MTMR9: variants seen among roughly 807,000 people sequenced by gnomAD.
MTMR9 encodes the protein myotubularin-related protein 9.
MTMR9 carries 39 observed loss-of-function variants against 69.5 expected under a neutral mutation model. The observed-to-expected ratio is 0.56, with a 90% CI of 0.43 to 0.73. The LOEUF (loss-of-function observed/expected upper bound fraction) is 0.73, where lower values mean the gene tolerates loss of function less well. Ranked by LOEUF, MTMR9 falls within the 30% of genes least tolerant of loss-of-function variation. The pLI, the probability that MTMR9 is intolerant of heterozygous loss-of-function variation, is 0.00. For synonymous variants in MTMR9, 354 were observed against 240.8 expected (o/e 1.47, Z -4.35); for missense variants, 900 against 671.2 (o/e 1.34, Z -3.77).
intron 7 of MTMR9, 99 bp downstream of exon 7, chr8:11,315,163 A>C: frequency 2.8e-6 from 4 of 1,441,272 alleles, no homozygotes; most frequent in Non-Finnish European, 3.8e-6. Context: ...CGATTGATTA[A>C]AATTTCTAAG....
At chr8:11,291,512 T>G (rs1230396736) in intron 1 of MTMR9, among the ~76,000 whole-genome samples, 1 of 152,152 alleles carries the variant, frequency 6.6e-6, no homozygotes, top group Non-Finnish European at 1.5e-5. Flanking sequence ...ATAGGAGTTT[T>G]GTGGAGCTCT....
chr8:11,311,726 C>T (rs887084242), intron 6 of MTMR9, among the ~76,000 whole-genome samples: 4 of 152,076 alleles, frequency 2.6e-5, no homozygotes, highest in East Asian at 1.9e-4. Context: ...TGAAGATTGC[C>T]GCATCAATTG....
intron 8 of MTMR9, 73 bp downstream of exon 8, chr8:11,316,966 C>T (rs1800447278): frequency 1.1e-6 from 1 of 944,066 alleles, no homozygotes. Context: ...CCAGAATCTC[C>T]TAGGAGACGA....
At chr8:11,297,866 A>G in intron 2 of MTMR9, 1 of 456,324 alleles carries the variant, frequency 2.2e-6, no homozygotes, top group Non-Finnish European at 4.4e-6. Flanking sequence ...TGATTAACAT[A>G]GTGAACCTGT....
chr8:11,329,261 G>A (rs1464889719), downstream of MTMR9, among the ~76,000 whole-genome samples: 3 of 152,276 alleles, frequency 2.0e-5, no homozygotes, highest in South Asian at 6.2e-4. Flanking sequence ...AGGCATGATG[G>A]TGCTCATCTG....
At position 11,315,153 on chromosome 8, in the gene MTMR9, C is replaced by T. The variant is rs569550831; in HGVS notation, c.1113+89C>T. 111 of 1,479,306 alleles carry T rather than the reference C, an allele frequency of 7.5e-5. No individual in the cohort carries two copies. The South Asian group carries it at 8.5e-4, about 11-fold the overall frequency. The allele number at this position is 1,479,306 out of a possible 1,614,324, so 91.6% of individuals were successfully genotyped here. A position where few individuals can be genotyped will look rare whatever the true frequency, so the allele number is the denominator to read the frequency against. On this transcript the variant is annotated intron_variant, in intron 7 of 9. Transcript: ENST00000221086. ...GTAGCTGACATAATGTGTGAAATTT[C>T]GATTGATTAAAATTTCTAAGTTGTG...
chr8:11,330,222 A>C (rs1346767102), downstream of MTMR9, among the ~76,000 whole-genome samples: 10 of 148,774 alleles, frequency 6.7e-5, no homozygotes, highest in Non-Finnish European at 1.3e-4. Flanking sequence ...CGGCCTGGCC[A>C]GCCGCCCCGT....
Position 11,306,303 on chromosome 8 carries a change from C to G in MTMR9, c.705C>G (p.Asp235Glu), listed in dbSNP as rs947836234. The change falls in exon 5 of 10, where the codon GAC (aspartate) becomes GAG (glutamate). Residue 235 changes from aspartate (D) to glutamate (E), a missense_variant. Coordinates refer to ENST00000221086, the MANE Select transcript of MTMR9 (RefSeq NM_015458.4). ...LRAGKRGYII[D>E]TRSLNVAQQT... is the part of the protein sequence containing the mutation. ...CTGGAAAGCGTGGCTACATCATTGA[C>G]ACCCGATCCCTGAACGTGGCTCAGC... The G allele has an allele frequency of 3.1e-6, 5 of 1,613,976 alleles. No homozygotes were observed. The highest frequency in any genetic ancestry group is 1.3e-5 in the African/African-American group (1 of 74,924).
At chr8:11,290,000 G>T (rs1470837377) in intron 1 of MTMR9, among the ~76,000 whole-genome samples, 1 of 152,110 alleles carries the variant, frequency 6.6e-6, no homozygotes, top group Non-Finnish European at 1.5e-5. Flanking sequence ...ATGGGATGGC[G>T]CCATAAAGTA....
At chr8:11,286,962 A>T (rs1563262085) in intron 1 of MTMR9, among the ~76,000 whole-genome samples, 1 of 152,132 alleles carries the variant, frequency 6.6e-6, no homozygotes, top group Non-Finnish European at 1.5e-5. Context: ...CATTTGCCAA[A>T]TGCCTTTATG....
chr8:11,331,555 A>G, downstream of MTMR9: 1 of 1,613,420 alleles, frequency 6.2e-7, no homozygotes, highest in Non-Finnish European at 8.5e-7. Flanking sequence ...CTCTGCCTTG[A>G]GAGCCAGGGT....
At position 11,306,207 on chromosome 8, in the gene MTMR9, T is replaced by C; in HGVS notation, c.609T>C (p.Gly203=). 6.2e-7 allele frequency: 1 copy of C among 1,613,054 alleles called. No individual in the cohort carries two copies. Among genetic ancestry groups the C allele is most frequent in the South Asian group, 1.1e-5 (1 of 91,028 alleles). The change falls in exon 5 of 10, where the codon GGT becomes GGC. Residue 203 remains glycine, a synonymous_variant. Transcript: ENST00000221086. ...GCTTCTAGGTAATTATGCGAAGTGG[T>C]CAGCCACTCACTGGTACAAACGGGA... ...KKNGMVIMRS[G]QPLTGTNGRR... is the part of the protein sequence containing the mutation.
At chr8:11,313,255 T>G (rs1800277593) in intron 6 of MTMR9, among the ~76,000 whole-genome samples, 1 of 152,236 alleles carries the variant, frequency 6.6e-6, no homozygotes, top group African/African-American at 2.4e-5. Flanking sequence ...CATAGAACTT[T>G]GTAGAATGGA....
rs1381753826 is a variant in MTMR9, at chr8:11,323,381, T to C, written c.*593T>C. The C allele has an allele frequency of 6.6e-6, 1 of 152,234 alleles. No individual in the cohort carries two copies. The highest frequency in any genetic ancestry group is 1.9e-4 in the East Asian group (1 of 5,202). The allele number at this position is 152,234 out of a possible 1,614,324, so 9.4% of individuals were successfully genotyped here. On this transcript the variant is annotated 3_prime_UTR_variant, in exon 10 of 10. Transcript: ENST00000221086. ...TTTGTCAAGAAAGGAAAATCTGTTA[T>C]TCAAGGTAAATTATTTCTACAAGGG...
chr8:11,310,987 T>G (rs1241794551), intron 6 of MTMR9, among the ~76,000 whole-genome samples: 1 of 152,202 alleles, frequency 6.6e-6, no homozygotes, highest in Non-Finnish European at 1.5e-5. Context: ...TTTGCCATGT[T>G]TGAGTCCCTT....
the MTMR9 span, among the ~76,000 whole-genome samples, chr8:11,337,219 C>G: frequency 6.6e-6 from 1 of 152,136 alleles, no homozygotes; most frequent in African/African-American, 2.4e-5. Flanking sequence ...CACTCAGAAC[C>G]AGCAGACTGT....
At chr8:11,308,741 G>A (rs938922312) in intron 5 of MTMR9, among the ~76,000 whole-genome samples, 2 of 152,012 alleles carry the variant, frequency 1.3e-5, no homozygotes, top group African/African-American at 4.8e-5. Context: ...TTTTCTCTCT[G>A]TTTTTAGTGA....
intron 3 of MTMR9, among the ~76,000 whole-genome samples, chr8:11,302,546 A>C (rs1427317869): frequency 2.0e-5 from 3 of 152,168 alleles, no homozygotes; most frequent in African/African-American, 7.2e-5. Context: ...ATATCTATTT[A>C]TGATAAAAGC....
At chr8:11,315,159 A>G in intron 7 of MTMR9, 95 bp downstream of exon 7, 1 of 1,462,892 alleles carries the variant, frequency 6.8e-7, no homozygotes, top group East Asian at 2.3e-5. Context: ...ATTTCGATTG[A>G]TTAAAATTTC....
Sources: gnomAD v4.1 joint callset for allele counts (sites outside exome capture counted in the v4.1 genomes callset) on GRCh38, gnomAD v4.1.1 for gene constraint, MANE v1.5 for transcripts, NCBI Gene and HGNC (gene_info 2026-07-23, HGNC 2026-07-21) for gene names.